The following WNT11 variants were observed in gnomAD, a reference collection of about 807,000 sequenced individuals.
WNT11 encodes protein Wnt-11.
A neutral mutation model predicts 35.6 loss-of-function variants in WNT11; 20 were observed. The ratio of observed to expected loss-of-function variants is 0.56; its 90% confidence interval spans 0.40 to 0.82. The LOEUF (loss-of-function observed/expected upper bound fraction) is 0.82. Ranked by LOEUF, WNT11 falls within the 40% of genes least tolerant of loss-of-function variation. The probability of loss-of-function intolerance (pLI) is 0.00; values close to 1 mark genes in which losing one functional copy is unlikely to be tolerated. For missense variants in WNT11, 459 were observed against 504.4 expected (o/e 0.91, Z 0.86); for synonymous variants, 200 against 211.9 (o/e 0.94, Z 0.49).
At chr11:76,201,085 C>T (rs1362116851) in intron 1 of WNT11, among the ~76,000 whole-genome samples, 1 of 152,194 alleles carries the variant, frequency 6.6e-6, no homozygotes, top group Non-Finnish European at 1.5e-5. Flanking sequence ...CCTGGAGCTA[C>T]CCTGGGTCTC....
At position 76,191,491 on chromosome 11, in the gene WNT11, C is replaced by T. The variant is rs115591287; in HGVS notation, c.890+73G>A. ...ATGCCACCTGAGTCCCTGCTGTGTGCGTGACCCTGAGCTGGGGAACAGTAT... is the reference window on the plus strand; with the variant it reads ...ATGCCACCTGAGTCCCTGCTGTGTGTGTGACCCTGAGCTGGGGAACAGTAT... On this transcript the variant is annotated intron_variant, in intron 4 of 4. Transcript: ENST00000322563. The T allele has an allele frequency of 3.5e-3, 5,371 of 1,514,102 alleles. 138 individuals are homozygous for T. In the African/African-American group the frequency reaches 0.06, roughly 17 times the overall value. 93.8% of individuals were successfully genotyped at this position (1,514,102 alleles called of 1,614,324 possible). A position where few individuals can be genotyped will look rare whatever the true frequency, so the allele number is the denominator to read the frequency against.
chr11:76,191,957 G>A, intron 3 of WNT11, 101 bp from the exon 4 acceptor site: 2 of 1,379,066 alleles, frequency 1.5e-6, no homozygotes, highest in Non-Finnish European at 1.9e-6. Context: ...CTCTCAGGGA[G>A]TCACTGCCTG....
rs148091260 is a variant in WNT11 at position 76,198,009 on chromosome 11, G to A, written c.84-1291C>T. Among the ~76,000 whole-genome samples, 564 of 152,328 alleles carry A rather than the reference G, an allele frequency of 3.7e-3. 6 individuals are homozygous for A. The highest frequency in any genetic ancestry group is 0.013 in the African/African-American group (534 of 41,588). On this transcript the variant is annotated intron_variant, in intron 1 of 4. Coordinates refer to ENST00000322563, the MANE Select transcript of WNT11 (RefSeq NM_004626.3). ...AGAGGGGGCCATTCTGCAGCCAGAA[G>A]TGCTGAGTGCCCCGCCTGCTGTGGA...
Position 76,191,666 on chromosome 11 carries a change from A to G in WNT11, c.788T>C (p.Leu263Pro). ...GTRKHLVPKD[L>P]DIRPVKDSEL... ...CGAGTCCTTCACAGGCCGGATATCC[A>G]GGTCCTTGGGCACCAGGTGCTTGCG... Residue 263 changes from leucine to proline, a missense_variant, in exon 4 of 5, where the codon CTG becomes CCG. Physicochemically the swap from Leu to Pro is moderately conservative, Grantham distance 98 (BLOSUM62 -3). Coordinates refer to ENST00000322563, the MANE Select transcript of WNT11 (RefSeq NM_004626.3). The G allele has an allele frequency of 1.2e-6, 2 of 1,614,046 alleles. No individual in the cohort carries two copies. Among genetic ancestry groups the G allele is most frequent in the Non-Finnish European group, 1.7e-6 (2 of 1,180,026 alleles).
At chr11:76,209,532 G>C (rs975327612), upstream of WNT11, among the ~76,000 whole-genome samples, 2 of 152,198 alleles carry the variant, frequency 1.3e-5, no homozygotes, top group African/African-American at 4.8e-5. Context: ...TCACGGAGCT[G>C]ACCCCGCCAA....
At chr11:76,206,245 GC>G in intron 1 of WNT11, 79 bp downstream of exon 1, 1 of 1,257,430 alleles carries the variant, frequency 8.0e-7, no homozygotes, top group Admixed American at 3.6e-5. Context: ...TGGTGCGCTC[GC>G]CCCATCCAGG....
chr11:76,201,596 G>A (rs1459976727), intron 1 of WNT11, among the ~76,000 whole-genome samples: 3 of 152,172 alleles, frequency 2.0e-5, no homozygotes, highest in Non-Finnish European at 4.4e-5. Context: ...TCACAGGCGA[G>A]GCCCGAGCTC....
rs996660461 is a variant in WNT11 at position 76,194,940 on chromosome 11, C to T, written c.320-96G>A. 9.3e-6 allele frequency: 13 copies of T among 1,395,184 alleles called. No individual in the cohort carries two copies. Among genetic ancestry groups the T allele is most frequent in the Non-Finnish European group, 1.1e-5 (12 of 1,064,132 alleles). 86.4% of individuals were successfully genotyped at this position (1,395,184 alleles called of 1,614,324 possible). A position where few individuals can be genotyped will look rare whatever the true frequency, so the allele number is the denominator to read the frequency against. On this transcript the variant is annotated intron_variant, in intron 2 of 4. Coordinates refer to ENST00000322563, the MANE Select transcript of WNT11 (RefSeq NM_004626.3). This position sits in a 1 kb window ranked among gnomAD's most constrained non-coding sequence, Gnocchi z 5.4. The stretch of plus-strand genomic sequence containing the variant: ...CACCTTCGCCCACACCCTGCTGTAA[C>T]CAAGGTGACGCCAGCAGGGGTCGGC...
At chr11:76,206,177 A>G (rs1953469370) in intron 1 of WNT11, 148 bp downstream of exon 1, 2 of 665,610 alleles carry the variant, frequency 3.0e-6, no homozygotes, top group South Asian at 7.0e-5. Context: ...AGAGGAGGAA[A>G]CAGAGGCTGA....
At chr11:76,192,763 A>C (rs1953205789) in intron 3 of WNT11, among the ~76,000 whole-genome samples, 1 of 152,188 alleles carries the variant, frequency 6.6e-6, no homozygotes, top group Admixed American at 6.5e-5. Flanking sequence ...TTCATACCTG[A>C]GGGGCAGAAG....
intron 4 of WNT11, among the ~76,000 whole-genome samples, chr11:76,189,805 T>G (rs1953153975): frequency 6.6e-6 from 1 of 152,170 alleles, no homozygotes; most frequent in Admixed American, 6.5e-5. Context: ...TGCAGTCTCA[T>G]GTAATGGGCA....
intron 1 of WNT11, among the ~76,000 whole-genome samples, chr11:76,199,819 A>G (rs1256103200): frequency 2.0e-5 from 3 of 152,124 alleles, no homozygotes; most frequent in African/African-American, 7.2e-5. Flanking sequence ...CAAAAAATTC[A>G]TAGATGAAGC....
At chr11:76,204,981 G>A (rs553456409) in intron 1 of WNT11, among the ~76,000 whole-genome samples, 5 of 152,228 alleles carry the variant, frequency 3.3e-5, no homozygotes, top group African/African-American at 1.2e-4. Context: ...CTCGCTGATC[G>A]GAGGTCCCTG....
chr11:76,190,766 C>T (rs578075067), intron 4 of WNT11: 1 of 152,356 alleles, frequency 6.6e-6, no homozygotes, highest in South Asian at 2.1e-4. Flanking sequence ...TGTTCTAGTG[C>T]CTTGTGAATC....
At chr11:76,200,847 C>T (rs1953363101) in intron 1 of WNT11, among the ~76,000 whole-genome samples, 1 of 152,258 alleles carries the variant, frequency 6.6e-6, no homozygotes, top group Non-Finnish European at 1.5e-5. Flanking sequence ...CAGCGCATGG[C>T]CTAGCAGCAG....
chr11:76,193,426 C>T (rs926710656), intron 3 of WNT11, among the ~76,000 whole-genome samples: 10 of 152,120 alleles, frequency 6.6e-5, no homozygotes, highest in African/African-American at 2.4e-4. Context: ...TGGTGGTGGG[C>T]GTGGCCATGG....
chr11:76,206,902 ATCAGGAG>A (rs1349800693), upstream of WNT11: 1 of 153,172 alleles, frequency 6.5e-6, no homozygotes, highest in Non-Finnish European at 1.5e-5. Flanking sequence ...GGAATGAGGA[ATCAGGAG>A]TCCAGGCGAG....
chr11:76,187,784 T>C (rs545105187), intron 4 of WNT11, among the ~76,000 whole-genome samples: 1 of 152,316 alleles, frequency 6.6e-6, no homozygotes, highest in East Asian at 1.9e-4. Flanking sequence ...GTGCCCAGCC[T>C]TGTTTTGTTG....
intron 1 of WNT11, among the ~76,000 whole-genome samples, chr11:76,205,951 G>C (rs3781732): frequency 0.075 from 11,377 of 152,242 alleles, 508 homozygotes; most frequent in Non-Finnish European, 0.1. Context: ...TCCCGCTAGG[G>C]TCAAGGAGAC....
Sources: gnomAD v4.1 joint callset for allele counts (sites outside exome capture counted in the v4.1 genomes callset) on GRCh38, gnomAD v4.1.1 for gene constraint, Gnocchi (gnomAD v3.1) non-coding constraint, MANE v1.5 for transcripts, NCBI Gene and HGNC (gene_info 2026-07-23, HGNC 2026-07-21) for gene names.